The following SPATA13 variants were observed in gnomAD, a reference collection of about 807,000 sequenced individuals.
SPATA13 encodes spermatogenesis-associated protein 13.
In SPATA13, 50 loss-of-function variants were observed where a neutral mutation model predicts 104.0. That is an observed-to-expected ratio of 0.48 (90% CI 0.38 to 0.61). The LOEUF is 0.61. SPATA13 is among the 20% of genes least tolerant of loss of function. The pLI is 0.00. For synonymous variants in SPATA13, 606 were observed against 667.5 expected (o/e 0.91, Z 1.42); for missense variants, 1,524 against 1,690.6 (o/e 0.90, Z 1.73).
Position 24,151,250 on chromosome 13 carries a change from C to T in SPATA13, c.-111-71569C>T, listed in dbSNP as rs185545676. On this transcript the variant is annotated intron_variant, in intron 3 of 14. Transcript: ENST00000424834. ...GCGTCCTTCAGCATTCAGGTTACAT[C>T]AGGACTTTGAAAGACAGGCAGATCT... Among the ~76,000 whole-genome samples the T allele has an allele frequency of 3.3e-5, 5 of 152,308 alleles. No individual in the cohort carries two copies. The East Asian group carries it at 9.7e-4, about 29-fold the overall frequency.
chr13:24,237,294 TGGA>T (rs1872618522), intron 2 of SPATA13, among the ~76,000 whole-genome samples: 2 of 151,872 alleles, frequency 1.3e-5, no homozygotes, highest in Non-Finnish European at 2.9e-5. Flanking sequence ...ACCCAGGGGG[TGGA>T]GGTTGCAGTG....
chr13:24,222,387 G>T (rs951352400), intron 1 of SPATA13, among the ~76,000 whole-genome samples: 2 of 152,090 alleles, frequency 1.3e-5, no homozygotes, highest in African/African-American at 4.8e-5. Flanking sequence ...TTGAGTATTC[G>T]GTATGTTGGA....
chr13:24,196,964 G>A (rs981685961), intron 1 of SPATA13, among the ~76,000 whole-genome samples: 2 of 152,052 alleles, frequency 1.3e-5, no homozygotes, highest in Admixed American at 6.5e-5. Context: ...TGCTGAGTAC[G>A]GGGTGAGTAG....
rs892010670 is a variant in SPATA13 at position 24,277,182 on chromosome 13, C to T, written c.2165-6953C>T. On this transcript the variant is annotated intron_variant, in intron 4 of 12. Transcript: ENST00000382108. ...ACCTTGGGCCGGGCGCGGTGGCTTA[C>T]GCCTGTAATCCTAGCACTTTGGGAG... Among the ~76,000 whole-genome samples, 8 of 152,156 alleles carry T rather than the reference C, an allele frequency of 5.3e-5. No individual in the cohort carries two copies. The East Asian group carries it at 5.8e-4, about 11-fold the overall frequency.
chr13:24,198,153 G>A (rs1870181142), intron 1 of SPATA13, among the ~76,000 whole-genome samples: 1 of 152,044 alleles, frequency 6.6e-6, no homozygotes, highest in Admixed American at 6.6e-5. Flanking sequence ...CCGCCACCAT[G>A]CCAGCTAATT....
At position 24,062,680 on chromosome 13, in the gene SPATA13, G is replaced by T. The variant is rs550708467; in HGVS notation, c.-112+44979G>T. Among the ~76,000 whole-genome samples the T allele has an allele frequency of 5.4e-4, 82 of 152,228 alleles. 1 individual carries two copies. Among genetic ancestry groups the T allele is most frequent in the African/African-American group, 1.9e-3 (78 of 41,546 alleles). ...GACCCAGTGAAGTATCCTCATGACT[G>T]CACCTGAGCTGTACTGAATAAGGGG... On this transcript the variant is annotated intron_variant, in intron 3 of 14. Coordinates refer to the SPATA13 transcript ENST00000424834.
intron 3 of SPATA13, among the ~76,000 whole-genome samples, chr13:24,100,207 T>C (rs1219143338): frequency 2.0e-5 from 3 of 152,230 alleles, no homozygotes; most frequent in Non-Finnish European, 2.9e-5. Context: ...AGTTAATTTC[T>C]ATGATTTATG....
intron 4 of SPATA13, among the ~76,000 whole-genome samples, chr13:24,282,210 G>A (rs1875589472): frequency 6.6e-6 from 1 of 152,104 alleles, no homozygotes; most frequent in Non-Finnish European, 1.5e-5. Context: ...CCGAGCACCT[G>A]GCACATGGCC....
chr13:24,290,601 A>T, intron 8 of SPATA13, 51 bp from the exon 9 acceptor site: 1 of 1,412,552 alleles, frequency 7.1e-7, no homozygotes, highest in Non-Finnish European at 1.0e-6. Context: ...TGTCTTTGTC[A>T]TGTCCCAGAG....
intron 3 of SPATA13, among the ~76,000 whole-genome samples, chr13:24,109,462 G>C (rs1276236195): frequency 6.6e-6 from 1 of 151,706 alleles, no homozygotes; most frequent in Admixed American, 6.6e-5. Context: ...TAATTCTTTG[G>C]GTATATACCC....
At chr13:24,270,648 C>A in intron 4 of SPATA13, 2 of 1,119,082 alleles carry the variant, frequency 1.8e-6, no homozygotes, top group Non-Finnish European at 2.5e-6. Context: ...TCACTGTAGC[C>A]ACTAACCCTT....
chr13:24,212,108 C>CT (rs1871052598), intron 1 of SPATA13, among the ~76,000 whole-genome samples: 1 of 152,016 alleles, frequency 6.6e-6, no homozygotes, highest in African/African-American at 2.4e-5. Context: ...ATAGGAAGTT[C>CT]TTTCTTGTTC....
intron 3 of SPATA13, among the ~76,000 whole-genome samples, chr13:24,085,108 G>A (rs1048944186): frequency 4.6e-5 from 7 of 152,000 alleles, no homozygotes; most frequent in African/African-American, 1.7e-4. Flanking sequence ...TGGCATGTAG[G>A]GCCCTGTTCT....
At chr13:24,114,120 G>A (rs371493095) in intron 3 of SPATA13, among the ~76,000 whole-genome samples, 1 of 152,218 alleles carries the variant, frequency 6.6e-6, no homozygotes, top group East Asian at 1.9e-4. Flanking sequence ...AAGGACAAGT[G>A]TAGACTTTGG....
chr13:24,202,956 G>A (rs1870504661), intron 1 of SPATA13, among the ~76,000 whole-genome samples: 1 of 151,320 alleles, frequency 6.6e-6, no homozygotes, highest in Non-Finnish European at 1.5e-5. Flanking sequence ...CTGGAATTAT[G>A]GTGAGATTTT....
At chr13:24,299,136 C>T (rs1005000778) in intron 11 of SPATA13, among the ~76,000 whole-genome samples, 8 of 152,314 alleles carry the variant, frequency 5.3e-5, no homozygotes, top group South Asian at 4.1e-4. Context: ...TAGTTTTAGT[C>T]GTCATATGAC....
rs551978422 is a variant in SPATA13 at position 24,092,643 on chromosome 13, A to G, written c.-112+74942A>G. Among the ~76,000 whole-genome samples the G allele has an allele frequency of 2.0e-5, 3 of 152,296 alleles. No individual in the cohort carries two copies. The South Asian group carries it at 6.2e-4, about 32-fold the overall frequency. On this transcript the variant is annotated intron_variant, in intron 3 of 14. Transcript: ENST00000424834. ...ACTATGTAGAAACTCTATACAAGAG[A>G]ATATTTTCTGCTGCCCTTTGCCTCT... is the stretch of plus-strand genomic sequence containing the variant.
At chr13:24,270,803 C>G in intron 4 of SPATA13, 1 of 1,612,194 alleles carries the variant, frequency 6.2e-7, no homozygotes. Flanking sequence ...TGGGGACCGG[C>G]TCCTCGGTCA....
In SPATA13 at chr13:24,145,214, C is replaced by T. The variant is rs143099878; in HGVS notation, c.-111-77605C>T. 1.4e-3 allele frequency among the ~76,000 whole-genome samples: 209 copies of T among 152,312 alleles called. 1 individual carries two copies. The highest frequency in any genetic ancestry group is 4.6e-3 in the African/African-American group (190 of 41,556). ...ACTTGATTAAAATGTGTAAATCCTA[C>T]TGCCCTGAAAGAATCTGATTTTTTA... is the stretch of plus-strand genomic sequence containing the variant. On this transcript the variant is annotated intron_variant, in intron 3 of 14. Coordinates refer to the SPATA13 transcript ENST00000424834.
Sources: gnomAD v4.1 joint callset for allele counts (sites outside exome capture counted in the v4.1 genomes callset) on GRCh38, gnomAD v4.1.1 for gene constraint, MANE v1.5 for transcripts, NCBI Gene and HGNC (gene_info 2026-07-23, HGNC 2026-07-21) for gene names.